The following PRKG1 variants were observed in gnomAD, a reference collection of about 807,000 sequenced individuals.
The protein encoded by PRKG1 is cGMP-dependent protein kinase 1.
Under a neutral mutation model 88.1 loss-of-function variants are expected in PRKG1, and 35 were observed. That is an observed-to-expected ratio of 0.40 (90% CI 0.30 to 0.53). The LOEUF (loss-of-function observed/expected upper bound fraction) is 0.53, where lower values mean the gene tolerates loss of function less well. Among genes scored for constraint, PRKG1 ranks in the 20% least tolerant of loss-of-function variants. The pLI is 0.59. For synonymous variants in PRKG1, 303 were observed against 292.5 expected (o/e 1.04, Z -0.37); for missense variants, 540 against 839.8 (o/e 0.64, Z 4.41).
chr10:51,982,790 C>A (rs1844044679), intron 5 of PRKG1, among the ~76,000 whole-genome samples: 1 of 152,140 alleles, frequency 6.6e-6, no homozygotes, highest in Non-Finnish European at 1.5e-5. Flanking sequence ...CTCATTTATA[C>A]ATTCCAGCAG....
At chr10:51,855,730 G>T (rs1318936029) in intron 4 of PRKG1, among the ~76,000 whole-genome samples, 1 of 152,058 alleles carries the variant, frequency 6.6e-6, no homozygotes, top group African/African-American at 2.4e-5. Context: ...CTACTACTTG[G>T]AAAATACTAA....
intron 3 of PRKG1, among the ~76,000 whole-genome samples, chr10:51,670,015 C>CT (rs1214328519): frequency 5.3e-5 from 8 of 151,930 alleles, no homozygotes; most frequent in Non-Finnish European, 1.0e-4. Context: ...GCCTATGATT[C>CT]TTTGTTTTTA....
intron 3 of PRKG1, among the ~76,000 whole-genome samples, chr10:51,551,578 T>C (rs550802706): frequency 4.0e-5 from 6 of 151,808 alleles, no homozygotes; most frequent in Non-Finnish European, 8.9e-5. Context: ...TTCTATTTGC[T>C]GTGGCAGATA....
At chr10:52,269,893 G>A (rs548959687) in intron 10 of PRKG1, among the ~76,000 whole-genome samples, 1 of 152,140 alleles carries the variant, frequency 6.6e-6, no homozygotes, top group African/African-American at 2.4e-5. Context: ...TGCCTCCTCT[G>A]GAGCCACTGG....
intron 2 of PRKG1, among the ~76,000 whole-genome samples, chr10:51,297,926 G>C (rs955050567): frequency 1.3e-5 from 2 of 152,008 alleles, no homozygotes; most frequent in Non-Finnish European, 2.9e-5. Flanking sequence ...AACAATGAGG[G>C]ATAGAGTAGG....
chr10:52,192,285 C>G (rs1308127188), intron 9 of PRKG1, among the ~76,000 whole-genome samples: 1 of 152,074 alleles, frequency 6.6e-6, no homozygotes, highest in Non-Finnish European at 1.5e-5. Context: ...CTCCCCTGGA[C>G]CTAAGATCAG....
At chr10:51,197,414 A>G (rs1404176054) in intron 2 of PRKG1, among the ~76,000 whole-genome samples, 2 of 151,952 alleles carry the variant, frequency 1.3e-5, no homozygotes, top group Non-Finnish European at 2.9e-5. Context: ...CTGGGACTAC[A>G]GTGCCTGACA....
chr10:52,025,843 A>G (rs1186150711), intron 5 of PRKG1, among the ~76,000 whole-genome samples: 1 of 151,808 alleles, frequency 6.6e-6, no homozygotes, highest in Non-Finnish European at 1.5e-5. Flanking sequence ...GGAAAAAACT[A>G]CTTTAAATTT....
At chr10:51,177,819 G>T (rs1371653305) in intron 2 of PRKG1, among the ~76,000 whole-genome samples, 1 of 151,780 alleles carries the variant, frequency 6.6e-6, no homozygotes, top group East Asian at 1.9e-4. Context: ...GTATCAATAT[G>T]ATTACATTTA....
At chr10:51,965,589 A>G (rs1843547851) in intron 5 of PRKG1, among the ~76,000 whole-genome samples, 1 of 152,174 alleles carries the variant, frequency 6.6e-6, no homozygotes, top group South Asian at 2.1e-4. Context: ...AAGTTCTATG[A>G]TTTTCAAAAG....
chr10:52,205,103 G>A (rs1839783960), intron 9 of PRKG1, among the ~76,000 whole-genome samples: 1 of 152,134 alleles, frequency 6.6e-6, no homozygotes, highest in South Asian at 2.1e-4. Context: ...GGTTTGCTAG[G>A]ATTAGGAAAT....
Position 51,533,226 on chromosome 10 carries a change from G to A in PRKG1, c.592+65390G>A, listed in dbSNP as rs372046674. On this transcript the variant is annotated intron_variant, in intron 3 of 17. Transcript: ENST00000373980. Reference sequence around the variant, plus strand: ...ATTTTTAAATGCATTTATCAAATATGGATTTTTCCTTTCAATAAAAGTAAT... The same window carrying A: ...ATTTTTAAATGCATTTATCAAATATAGATTTTTCCTTTCAATAAAAGTAAT... Among the ~76,000 whole-genome samples the A allele has an allele frequency of 3.9e-5, 6 of 152,136 alleles. No homozygotes were observed. The South Asian group carries it at 1.2e-3, about 32-fold the overall frequency.
intron 2 of PRKG1, among the ~76,000 whole-genome samples, chr10:51,265,271 A>G (rs1428655437): frequency 6.6e-6 from 1 of 152,142 alleles, no homozygotes; most frequent in Non-Finnish European, 1.5e-5. Context: ...ATAAATATGA[A>G]TAGAGACAAC....
chr10:51,358,700 A>G (rs1177412886), intron 2 of PRKG1, among the ~76,000 whole-genome samples: 1 of 151,866 alleles, frequency 6.6e-6, no homozygotes, highest in Non-Finnish European at 1.5e-5. Context: ...TCCAGATGGA[A>G]GATTACTGGA....
chr10:51,506,638 A>C (rs935897836), intron 3 of PRKG1, among the ~76,000 whole-genome samples: 5 of 152,182 alleles, frequency 3.3e-5, no homozygotes, highest in African/African-American at 1.2e-4. Flanking sequence ...TGATCATTAA[A>C]AAGTCAGGAA....
chr10:52,161,946 T>C lies in PRKG1; in HGVS notation c.1059T>C (p.Asp353=), dbSNP rs1838287142. ...ATGTTTCTAATAAAGCATATGAAGA[T>C]GCAGAAGCTAAAGCAAAGTAAGTGA... is the stretch of plus-strand genomic sequence containing the variant. ...LDDVSNKAYE[D]AEAKAKYEAE... is the part of the protein sequence containing the mutation. Residue 353 remains aspartate (D), a synonymous_variant, in exon 9 of 18, where the codon GAT becomes GAC. Transcript: ENST00000373980. The C allele has an allele frequency of 6.2e-7, 1 of 1,612,166 alleles. No homozygotes were observed. The highest frequency in any genetic ancestry group is 8.5e-7 in the Non-Finnish European group (1 of 1,179,252).
chr10:51,620,199 C>G (rs1736178827), intron 3 of PRKG1, among the ~76,000 whole-genome samples: 1 of 152,096 alleles, frequency 6.6e-6, no homozygotes, highest in South Asian at 2.1e-4. Flanking sequence ...AATAAATCTT[C>G]TATGAATTTC....
At chr10:52,195,876 A>G (rs1308720131) in intron 9 of PRKG1, among the ~76,000 whole-genome samples, 1 of 152,268 alleles carries the variant, frequency 6.6e-6, no homozygotes, top group Non-Finnish European at 1.5e-5. Flanking sequence ...GTGTTAAAAT[A>G]TATGAATTGG....
At chr10:51,861,890 C>T (rs2132837010) in intron 4 of PRKG1, among the ~76,000 whole-genome samples, 1 of 152,312 alleles carries the variant, frequency 6.6e-6, no homozygotes, top group African/African-American at 2.4e-5. Context: ...ACTCGTTCAA[C>T]CCACTTGGCC....
Sources: allele counts gnomAD v4.1 joint callset (sites outside exome capture counted in the v4.1 genomes callset), GRCh38; gene constraint gnomAD v4.1.1; transcripts MANE v1.5; gene names NCBI Gene and HGNC (gene_info 2026-07-23, HGNC 2026-07-21).